Variants in PCDHGA5 observed in about 807,000 individuals in gnomAD.
PCDHGA5 encodes protocadherin gamma-A5.
In PCDHGA5, 36 loss-of-function variants were observed where a neutral mutation model predicts 56.7. That is an observed-to-expected ratio of 0.64 (90% CI 0.49 to 0.84). The LOEUF (loss-of-function observed/expected upper bound fraction) is 0.84. Ranked by LOEUF, PCDHGA5 falls within the 40% of genes least tolerant of loss-of-function variation. The probability of loss-of-function intolerance (pLI) is 0.00; values close to 1 mark genes in which losing one functional copy is unlikely to be tolerated. For synonymous variants in PCDHGA5, 563 were observed against 520.2 expected (o/e 1.08, Z -1.12); for missense variants, 1,305 against 1,201.5 (o/e 1.09, Z -1.27).
intron 1 of PCDHGA5, chr5:141,428,181 AG>A (rs776102500): frequency 6.7e-7 from 1 of 1,486,230 alleles, no homozygotes; most frequent in Admixed American, 1.8e-5. Context: ...GACGGAGGAC[AG>A]CCGCCGCTCT....
chr5:141,393,013 T>A (rs754075095), intron 1 of PCDHGA5: 1 of 1,613,694 alleles, frequency 6.2e-7, no homozygotes, highest in African/African-American at 1.3e-5. Context: ...GTCCGTATCG[T>A]CTCCAGAGGT....
chr5:141,489,397 G>T lies in PCDHGA5; in HGVS notation c.2422-5410G>T. ...GGTGGGGAATGTTGCTCAGGATCTG[G>T]GCTTAAAGATGACAGATCTGTTGAG... On this transcript the variant is annotated intron_variant, in intron 1 of 3. Coordinates refer to ENST00000518069, the MANE Select transcript of PCDHGA5 (RefSeq NM_018918.3). The surrounding 1 kb of genome is among the most constrained non-coding windows in gnomAD (Gnocchi z 4.5). 2 of 1,614,176 alleles carry T rather than the reference G, an allele frequency of 1.2e-6. No individual in the cohort carries two copies. Among genetic ancestry groups the T allele is most frequent in the Non-Finnish European group, 1.7e-6 (2 of 1,180,038 alleles).
intron 1 of PCDHGA5, chr5:141,383,176 G>A: frequency 6.2e-7 from 1 of 1,614,122 alleles, no homozygotes; most frequent in Non-Finnish European, 8.5e-7. Flanking sequence ...GATAGACCGG[G>A]AAGAGATCTG....
intron 2 of PCDHGA5, 47 bp from the exon 3 acceptor site, chr5:141,505,346 C>G: frequency 4.3e-6 from 7 of 1,612,970 alleles, no homozygotes; most frequent in Non-Finnish European, 5.9e-6. Context: ...GGGGCATGAG[C>G]TGTGCCGGCC....
intron 2 of PCDHGA5, among the ~76,000 whole-genome samples, chr5:141,496,582 G>C (rs991035985): frequency 6.6e-6 from 1 of 152,100 alleles, no homozygotes; most frequent in Non-Finnish European, 1.5e-5. Flanking sequence ...TTTTAGGAAC[G>C]CAAAGCGCTT....
In PCDHGA5 at chr5:141,366,073, C is replaced by A. The variant is rs766163319; in HGVS notation, c.1743C>A (p.Ser581=). Residue 581 remains serine (S), a synonymous_variant, in exon 1 of 4, where the codon TCC becomes TCA. Coordinates refer to ENST00000518069, the MANE Select transcript of PCDHGA5 (RefSeq NM_018918.3). ...CGGGCGTGGAGCTGGCGCCTCGCTCCGCAGAACCTGGCTACCTGGTGACCA... is the reference window on the plus strand; with the variant it reads ...CGGGCGTGGAGCTGGCGCCTCGCTCAGCAGAACCTGGCTACCTGGTGACCA... ...GSTGVELAPR[S]AEPGYLVTKV... is the part of the protein sequence containing the mutation. 1 of 1,614,234 alleles carries A rather than the reference C, an allele frequency of 6.2e-7. No homozygotes were observed. Among genetic ancestry groups the A allele is most frequent in the South Asian group, 1.1e-5 (1 of 91,090 alleles).
intron 1 of PCDHGA5, chr5:141,371,361 GAT>G: frequency 3.1e-6 from 5 of 1,613,976 alleles, no homozygotes; most frequent in Non-Finnish European, 4.2e-6. Flanking sequence ...GGAAGCAAAG[GAT>G]GGTGGACATC....
chr5:141,407,497 G>GTTTTTTTTTTTTTTTTTTTTTTTTT (rs1554102286), intron 1 of PCDHGA5, among the ~76,000 whole-genome samples: 1 of 151,974 alleles, frequency 6.6e-6, no homozygotes, highest in African/African-American at 2.4e-5. Context: ...CTTTATTTCT[G>GTTTTTTTTTTTTTTTTTTTTTTTTT]TTTTTCTTAG....
rs1562142740 is a variant in PCDHGA5, at chr5:141,490,958, ACT to A, written c.2422-3847_2422-3846del. 1 of 1,613,728 alleles carries A rather than the reference ACT, an allele frequency of 6.2e-7. No homozygotes were observed. Among genetic ancestry groups the A allele is most frequent in the Non-Finnish European group, 8.5e-7 (1 of 1,179,830 alleles). On this transcript the variant is annotated intron_variant, in intron 1 of 3. Transcript: ENST00000518069. The surrounding 1 kb of genome is among the most constrained non-coding windows in gnomAD (Gnocchi z 5.4). Reference sequence around the variant, plus strand: ...CTGCACCCACGGCCAGACTGGGAACACTCAGCCCCCCAGCGTCTCCCTCGCTC... The same window carrying A: ...CTGCACCCACGGCCAGACTGGGAACACAGCCCCCCAGCGTCTCCCTCGCTC...
intron 1 of PCDHGA5, chr5:141,383,629 C>T (rs769030453): frequency 6.2e-7 from 1 of 1,613,960 alleles, no homozygotes; most frequent in South Asian, 1.1e-5. Context: ...TGTCTTCTCT[C>T]TGCCTCAGTA....
At chr5:141,394,549 C>T in intron 1 of PCDHGA5, 1 of 1,614,140 alleles carries the variant, frequency 6.2e-7, no homozygotes, top group Non-Finnish European at 8.5e-7. Flanking sequence ...GAGCTGGCGC[C>T]CCGCTCCGCA....
intron 3 of PCDHGA5, among the ~76,000 whole-genome samples, chr5:141,510,162 A>C (rs947806998): frequency 6.6e-6 from 1 of 151,838 alleles, no homozygotes; most frequent in Non-Finnish European, 1.5e-5. Flanking sequence ...AATCTCAGCT[A>C]CTCAGGAGGT....
In PCDHGA5 at chr5:141,485,867, G is replaced by T; in HGVS notation, c.2422-8940G>T. The T allele has an allele frequency of 6.2e-7, 1 of 1,614,164 alleles. No homozygotes were observed. Among genetic ancestry groups the T allele is most frequent in the Non-Finnish European group, 8.5e-7 (1 of 1,180,040 alleles). On this transcript the variant is annotated intron_variant, in intron 1 of 3. Transcript: ENST00000518069. The surrounding 1 kb of genome is among the most constrained non-coding windows in gnomAD (Gnocchi z 5.7). ...TGGCACCGCAGAGCTCCGGGTATCC[G>T]TGCTGGACGTAAACGACAACGCCCC...
chr5:141,418,284 T>A (rs766608852), intron 1 of PCDHGA5: 19 of 1,613,826 alleles, frequency 1.2e-5, no homozygotes, highest in Non-Finnish European at 1.4e-5. Flanking sequence ...AACTTAGAAA[T>A]CAGTGAATCC....
intron 2 of PCDHGA5, among the ~76,000 whole-genome samples, chr5:141,499,083 C>G (rs2099789346): frequency 6.6e-6 from 1 of 152,082 alleles, no homozygotes; most frequent in African/African-American, 2.4e-5. Flanking sequence ...GAAGTTCCTG[C>G]TTGGCACATG....
chr5:141,459,028 C>T (rs373532898), intron 1 of PCDHGA5, among the ~76,000 whole-genome samples: 1 of 152,202 alleles, frequency 6.6e-6, no homozygotes, highest in Non-Finnish European at 1.5e-5. Context: ...CCACCACATC[C>T]AGCCTTACCA....
At chr5:141,366,851 G>T in intron 1 of PCDHGA5, 100 bp downstream of exon 1, 2 of 1,439,646 alleles carry the variant, frequency 1.4e-6, no homozygotes, top group Non-Finnish European at 1.9e-6. Context: ...GTAAATAGTG[G>T]AACATTATTT....
intron 1 of PCDHGA5, among the ~76,000 whole-genome samples, chr5:141,482,435 A>G (rs2099559555): frequency 6.6e-6 from 1 of 150,568 alleles, no homozygotes; most frequent in South Asian, 2.1e-4. Flanking sequence ...GATAATACTG[A>G]TATTCACCAT....
intron 1 of PCDHGA5, chr5:141,420,078 C>T (rs764695314): frequency 6.2e-7 from 1 of 1,614,008 alleles, no homozygotes; most frequent in Non-Finnish European, 8.5e-7. Context: ...CCTGTGGGTC[C>T]CCCCAACTAC....
Sources: gnomAD v4.1 joint callset for allele counts (sites outside exome capture counted in the v4.1 genomes callset) on GRCh38, gnomAD v4.1.1 for gene constraint, Gnocchi (gnomAD v3.1) non-coding constraint, MANE v1.5 for transcripts, NCBI Gene and HGNC (gene_info 2026-07-23, HGNC 2026-07-21) for gene names.